The following FRK variants were observed in gnomAD, a reference collection of about 807,000 sequenced individuals.
FRK encodes tyrosine-protein kinase FRK.
In FRK, 51 loss-of-function variants were observed where a neutral mutation model predicts 56.4. That is an observed-to-expected ratio of 0.90 (90% CI 0.72 to 1.14). The LOEUF (loss-of-function observed/expected upper bound fraction) is 1.14. FRK is among the 50% of genes most tolerant of loss of function. The probability of loss-of-function intolerance (pLI) is 0.00; values close to 1 mark genes in which losing one functional copy is unlikely to be tolerated. For synonymous variants in FRK, 245 were observed against 217.9 expected (o/e 1.12, Z -1.10); for missense variants, 570 against 601.4 (o/e 0.95, Z 0.55).
At chr6:116,085,656 C>A in the FRK span, among the ~76,000 whole-genome samples, 1 of 152,020 alleles carries the variant, frequency 6.6e-6, no homozygotes, top group African/African-American at 2.4e-5. Flanking sequence ...ATTTCTCTAC[C>A]CACTGACAAA....
chr6:116,084,544 T>G, the FRK span, among the ~76,000 whole-genome samples: 1 of 152,216 alleles, frequency 6.6e-6, no homozygotes. Context: ...TCAGCCTTAT[T>G]CAAATAGCTG....
intron 2 of FRK, among the ~76,000 whole-genome samples, chr6:115,970,775 T>C (rs1582663804): frequency 1.3e-5 from 2 of 152,118 alleles, no homozygotes; most frequent in Non-Finnish European, 1.5e-5. Context: ...TAGCCAGGAT[T>C]GGTGGCACAC....
chr6:116,020,122 T>G (rs189939223), intron 1 of FRK, among the ~76,000 whole-genome samples: 50 of 152,264 alleles, frequency 3.3e-4, no homozygotes, highest in African/African-American at 1.1e-3. Context: ...AATTATGATT[T>G]ATTCCATCTA....
intron 1 of FRK, among the ~76,000 whole-genome samples, chr6:116,022,359 C>T (rs192216892): frequency 6.6e-6 from 1 of 152,128 alleles, no homozygotes; most frequent in East Asian, 1.9e-4. Context: ...CATAGAGAAT[C>T]ATCTTTTTCC....
chr6:116,000,074 T>A (rs1774994877), intron 2 of FRK, among the ~76,000 whole-genome samples: 1 of 152,146 alleles, frequency 6.6e-6, no homozygotes, highest in South Asian at 2.1e-4. Context: ...ATCCTTGTAA[T>A]TTTTTTCTAA....
chr6:115,979,548 T>C (rs187894629), intron 2 of FRK, among the ~76,000 whole-genome samples: 9 of 152,210 alleles, frequency 5.9e-5, no homozygotes, highest in South Asian at 2.1e-4. Flanking sequence ...TTTTTATAAA[T>C]CTGATGTAGT....
At chr6:115,977,316 CG>C (rs1562267103) in intron 2 of FRK, among the ~76,000 whole-genome samples, 1 of 151,994 alleles carries the variant, frequency 6.6e-6, no homozygotes, top group Non-Finnish European at 1.5e-5. Context: ...AGTGCCATCA[CG>C]TAGAAGAGTT....
intron 5 of FRK, among the ~76,000 whole-genome samples, chr6:115,951,895 G>A (rs1772768296): frequency 6.6e-6 from 1 of 152,112 alleles, no homozygotes; most frequent in Non-Finnish European, 1.5e-5. Context: ...TACATTTGCA[G>A]TAAGAAAATA....
chr6:116,098,313 G>A, the FRK span, among the ~76,000 whole-genome samples: 4 of 151,846 alleles, frequency 2.6e-5, no homozygotes, highest in Non-Finnish European at 5.9e-5. Flanking sequence ...GTCTCGCTAT[G>A]TTGCCCAAGC....
intron 6 of FRK, among the ~76,000 whole-genome samples, chr6:115,943,524 T>C (rs1022754441): frequency 6.6e-6 from 1 of 151,306 alleles, no homozygotes; most frequent in Non-Finnish European, 1.5e-5. Flanking sequence ...CAAAGTCTAT[T>C]GTTTGATTTA....
chr6:116,070,412 C>T, the FRK span, among the ~76,000 whole-genome samples: 1 of 152,136 alleles, frequency 6.6e-6, no homozygotes. Flanking sequence ...ATACAAGATT[C>T]CAGGACTGGG....
intron 2 of FRK, among the ~76,000 whole-genome samples, chr6:115,982,844 G>T (rs1220217176): frequency 1.3e-5 from 2 of 152,206 alleles, no homozygotes; most frequent in Admixed American, 6.5e-5. Flanking sequence ...GGCTGAAGCG[G>T]GTGGATCACT....
intron 2 of FRK, among the ~76,000 whole-genome samples, chr6:115,980,541 G>A (rs1271886847): frequency 6.6e-6 from 1 of 152,104 alleles, no homozygotes; most frequent in Non-Finnish European, 1.5e-5. Flanking sequence ...AAATAATTGT[G>A]TTAGATTGGC....
chr6:115,970,348 G>A lies in FRK; in HGVS notation c.467-1609C>T, dbSNP rs1461385371. On this transcript the variant is annotated intron_variant, in intron 2 of 7. Coordinates refer to ENST00000606080, the MANE Select transcript of FRK (RefSeq NM_002031.3). ...TCCTAAGCATAAAATCAATAAAAGT[G>A]CACAATATATTCACCAAAACATGTG... Among the ~76,000 whole-genome samples, 12 of 152,070 alleles carry A rather than the reference G, an allele frequency of 7.9e-5. No homozygotes were observed. The East Asian group carries it at 2.3e-3, about 29-fold the overall frequency.
At chr6:115,960,186 G>A (rs1438812118) in intron 4 of FRK, among the ~76,000 whole-genome samples, 6 of 151,086 alleles carry the variant, frequency 4.0e-5, no homozygotes, top group South Asian at 2.1e-4. Context: ...CAGTGTGTGC[G>A]CGCACCGTGC....
At chr6:116,081,775 T>C in the FRK span, among the ~76,000 whole-genome samples, 132 of 151,226 alleles carry the variant, frequency 8.7e-4, no homozygotes, top group African/African-American at 3.0e-3. Flanking sequence ...AAACAGCAAA[T>C]ATCTACACAT....
At chr6:115,949,464 A>G (rs928791183) in intron 5 of FRK, among the ~76,000 whole-genome samples, 4 of 152,092 alleles carry the variant, frequency 2.6e-5, no homozygotes. Context: ...TTCTGTCCAT[A>G]CCTAGTTTAC....
intron 2 of FRK, among the ~76,000 whole-genome samples, chr6:115,995,559 A>G (rs1774804257): frequency 6.6e-6 from 1 of 152,126 alleles, no homozygotes; most frequent in African/African-American, 2.4e-5. Context: ...AGAAGAAAAG[A>G]AAATTAAGAC....
intron 2 of FRK, among the ~76,000 whole-genome samples, chr6:115,978,206 G>C (rs1432540731): frequency 6.6e-6 from 1 of 152,060 alleles, no homozygotes; most frequent in Non-Finnish European, 1.5e-5. Context: ...GATATAATGA[G>C]ACATGAGACC....
Sources: gnomAD v4.1 joint callset for allele counts (sites outside exome capture counted in the v4.1 genomes callset) on GRCh38, gnomAD v4.1.1 for gene constraint, MANE v1.5 for transcripts, NCBI Gene and HGNC (gene_info 2026-07-23, HGNC 2026-07-21) for gene names.